The following CDH12 variants were observed in gnomAD, a reference collection of about 807,000 sequenced individuals.
CDH12 encodes cadherin-12.
Under a neutral mutation model 74.1 loss-of-function variants are expected in CDH12, and 41 were observed. That is an observed-to-expected ratio of 0.55 (90% CI 0.43 to 0.72). CDH12 has a LOEUF of 0.72. Among genes scored for constraint, CDH12 ranks in the 30% least tolerant of loss-of-function variants. The pLI is 0.00. For synonymous variants in CDH12, 399 were observed against 355.0 expected (o/e 1.12, Z -1.39); for missense variants, 945 against 977.2 (o/e 0.97, Z 0.44).
Position 22,496,908 on chromosome 5 carries a change from A to T in CDH12, c.-428+8362T>A, listed in dbSNP as rs117428945. On this transcript the variant is annotated intron_variant, in intron 2 of 14. Coordinates refer to ENST00000382254, the MANE Select transcript of CDH12 (RefSeq NM_004061.5). Reference sequence around the variant, plus strand: ...ATCTATTCTCGTCTGAACTTGTTGCATTAGTAATCAAATCCTGGGTCAAGT... The same window carrying T: ...ATCTATTCTCGTCTGAACTTGTTGCTTTAGTAATCAAATCCTGGGTCAAGT... Among the ~76,000 whole-genome samples, 4 of 152,242 alleles carry T rather than the reference A, an allele frequency of 2.6e-5. No individual in the cohort carries two copies. In the East Asian group the frequency reaches 7.7e-4, roughly 29 times the overall value.
intron 1 of CDH12, among the ~76,000 whole-genome samples, chr5:22,774,797 T>C (rs1272110644): frequency 6.6e-6 from 1 of 151,856 alleles, no homozygotes; most frequent in Non-Finnish European, 1.5e-5. Context: ...AACATGAACA[T>C]AAAGATGAGA....
At chr5:22,717,115 T>G (rs364929) in intron 1 of CDH12, among the ~76,000 whole-genome samples, 2 of 151,954 alleles carry the variant, frequency 1.3e-5, no homozygotes, top group African/African-American at 4.8e-5. Flanking sequence ...GCAGTGTTGA[T>G]AAAGTCTACA....
intron 6 of CDH12, among the ~76,000 whole-genome samples, chr5:21,970,605 C>T (rs1480365056): frequency 2.0e-5 from 3 of 151,546 alleles, no homozygotes; most frequent in South Asian, 2.1e-4. Flanking sequence ...TTTGGGAGGC[C>T]GAGGCAGGCA....
chr5:22,432,443 T>C (rs185739198), intron 2 of CDH12, among the ~76,000 whole-genome samples: 128 of 152,254 alleles, frequency 8.4e-4, no homozygotes, highest in African/African-American at 2.8e-3. Context: ...TTTATGTTGG[T>C]ATTTGTTTAC....
At chr5:22,697,068 CA>C (rs1742408730) in intron 1 of CDH12, among the ~76,000 whole-genome samples, 2 of 152,166 alleles carry the variant, frequency 1.3e-5, no homozygotes, top group Non-Finnish European at 2.9e-5. Context: ...ATTCACAGCG[CA>C]TTTCACTAGG....
intron 1 of CDH12, among the ~76,000 whole-genome samples, chr5:22,529,207 AG>A (rs1233852968): frequency 6.8e-6 from 1 of 146,418 alleles, no homozygotes; most frequent in Non-Finnish European, 1.5e-5. Flanking sequence ...AGAGAGAGAG[AG>A]AGAGAGAGAG....
chr5:22,529,467 T>C (rs145172732), intron 1 of CDH12, among the ~76,000 whole-genome samples: 377 of 151,998 alleles, frequency 2.5e-3, no homozygotes, highest in African/African-American at 8.7e-3. Flanking sequence ...AAAAACAATG[T>C]CCCAGATCAA....
At chr5:22,515,441 G>A (rs1303667299) in intron 1 of CDH12, among the ~76,000 whole-genome samples, 1 of 152,066 alleles carries the variant, frequency 6.6e-6, no homozygotes, top group Non-Finnish European at 1.5e-5. Flanking sequence ...GAGACGTGAA[G>A]TATAGGAAAG....
chr5:22,158,405 T>C (rs983456282), intron 4 of CDH12, among the ~76,000 whole-genome samples: 3 of 152,032 alleles, frequency 2.0e-5, no homozygotes, highest in Non-Finnish European at 4.4e-5. Flanking sequence ...AGTTGTCTTG[T>C]TAAGTGATGC....
At chr5:22,424,338 G>A (rs1743801481) in intron 2 of CDH12, among the ~76,000 whole-genome samples, 1 of 152,062 alleles carries the variant, frequency 6.6e-6, no homozygotes, top group Admixed American at 6.6e-5. Context: ...TTTCTTTCTT[G>A]TTGCTTTTCA....
At chr5:22,486,339 GT>G (rs1746593953) in intron 2 of CDH12, among the ~76,000 whole-genome samples, 1 of 151,744 alleles carries the variant, frequency 6.6e-6, no homozygotes, top group Admixed American at 6.6e-5. Context: ...AGATGTTAAA[GT>G]AAGACACACA....
In CDH12 at chr5:21,932,659, C is replaced by T. The variant is rs952549678; in HGVS notation, c.526+42432G>A. On this transcript the variant is annotated intron_variant, in intron 6 of 14. Transcript: ENST00000382254. ...CGCACGCCTGTAATCCCAGTACTTT[C>T]GGAGGCCAAGGCAGGTGGACCATGA... Among the ~76,000 whole-genome samples the T allele has an allele frequency of 1.9e-4, 29 of 151,994 alleles. 1 individual carries two copies. The highest frequency in any genetic ancestry group is 1.1e-3 in the Admixed American group (17 of 15,228).
At chr5:21,917,787 C>T (rs1754168712) in intron 6 of CDH12, among the ~76,000 whole-genome samples, 1 of 152,110 alleles carries the variant, frequency 6.6e-6, no homozygotes, top group Admixed American at 6.5e-5. Context: ...GATAGTAATG[C>T]AAATATTTCT....
At chr5:22,326,228 A>AT (rs111680651) in intron 3 of CDH12, among the ~76,000 whole-genome samples, 14,906 of 148,842 alleles carry the variant, frequency 0.1, 871 homozygotes, top group South Asian at 0.16. Flanking sequence ...CCAGTTGGCT[A>AT]TTTTTTTTTT....
chr5:22,307,938 T>C (rs947575372), intron 3 of CDH12, among the ~76,000 whole-genome samples: 1 of 124,536 alleles, frequency 8.0e-6, no homozygotes, highest in African/African-American at 3.0e-5. Context: ...TGGAGTGCAG[T>C]GGCGCGATCT....
At chr5:22,313,333 A>T (rs1738470231) in intron 3 of CDH12, among the ~76,000 whole-genome samples, 1 of 152,224 alleles carries the variant, frequency 6.6e-6, no homozygotes, top group Admixed American at 6.5e-5. Flanking sequence ...AAATGAGGAA[A>T]AAAAAGGCAT....
At chr5:22,243,272 G>T (rs1378202766) in intron 3 of CDH12, among the ~76,000 whole-genome samples, 4 of 152,134 alleles carry the variant, frequency 2.6e-5, no homozygotes, top group African/African-American at 4.8e-5. Context: ...AATCCAGTTT[G>T]TTGAAGAAAA....
intron 6 of CDH12, among the ~76,000 whole-genome samples, chr5:21,913,165 T>C (rs1474057606): frequency 1.3e-5 from 2 of 152,132 alleles, no homozygotes; most frequent in African/African-American, 2.4e-5. Flanking sequence ...CTATGATTCA[T>C]CTTAGGGAAG....
intron 5 of CDH12, among the ~76,000 whole-genome samples, chr5:21,983,339 G>T (rs1757389076): frequency 6.6e-6 from 1 of 152,064 alleles, no homozygotes. Flanking sequence ...TAGAAACCAA[G>T]AGTGGACTTG....
Sources: gnomAD v4.1 joint callset for allele counts (sites outside exome capture counted in the v4.1 genomes callset) on GRCh38, gnomAD v4.1.1 for gene constraint, MANE v1.5 for transcripts, NCBI Gene and HGNC (gene_info 2026-07-23, HGNC 2026-07-21) for gene names.